Variants in SLIT2 observed in about 807,000 individuals in gnomAD.
SLIT2 encodes the protein slit guidance ligand 2.
SLIT2 carries 41 observed loss-of-function variants against 185.7 expected under a neutral mutation model. That is an observed-to-expected ratio of 0.22 (90% CI 0.17 to 0.29). The LOEUF (loss-of-function observed/expected upper bound fraction) is 0.29, where lower values mean the gene tolerates loss of function less well. SLIT2 is among the 10% of genes least tolerant of loss of function. The pLI is 1.00. For synonymous variants in SLIT2, 693 were observed against 680.2 expected, an observed-to-expected ratio of 1.02 and a Z score of -0.29; for missense variants, 1,571 against 1,909.0, an observed-to-expected ratio of 0.82 and a Z score of 3.30.
At chr4:20,411,495 A>C (rs1273886366) in intron 4 of SLIT2, among the ~76,000 whole-genome samples, 1 of 152,208 alleles carries the variant, frequency 6.6e-6, no homozygotes. Flanking sequence ...CTCTCATCCA[A>C]ACCTCTAAAC....
At chr4:20,269,007 T>A (rs1175138386) in intron 4 of SLIT2, 126 bp downstream of exon 4, 1 of 651,076 alleles carries the variant, frequency 1.5e-6, no homozygotes. Context: ...ATTAAAAGTT[T>A]GTGTTTTTTC....
At chr4:20,540,869 T>C (rs960313937) in intron 19 of SLIT2, among the ~76,000 whole-genome samples, 12 of 152,310 alleles carry the variant, frequency 7.9e-5, no homozygotes, top group African/African-American at 2.9e-4. Flanking sequence ...TATGCTGAAG[T>C]GGTGAGATGC....
chr4:20,507,516 T>A (rs1020204485), intron 9 of SLIT2, among the ~76,000 whole-genome samples: 2 of 151,878 alleles, frequency 1.3e-5, no homozygotes, highest in African/African-American at 4.8e-5. Context: ...TTGGAGAAAT[T>A]CATTTTGAAA....
chr4:20,348,285 C>T (rs1010548487), intron 4 of SLIT2, among the ~76,000 whole-genome samples: 3 of 152,142 alleles, frequency 2.0e-5, no homozygotes, highest in Admixed American at 6.5e-5. Flanking sequence ...GTTGCCCAGG[C>T]TGGAGTGCAG....
chr4:20,568,975 A>T lies in SLIT2; in HGVS notation c.3059A>T (p.Tyr1020Phe), dbSNP rs1725329935. ...ACATGTGTCGATGGCATTAATAACTACACATGCCTTTGCCCACCTGAGTAT... is the reference window on the plus strand; with the variant it reads ...ACATGTGTCGATGGCATTAATAACTTCACATGCCTTTGCCCACCTGAGTAT... ...NSTCVDGINN[Y>F]TCLCPPEYTG... is the part of the protein sequence containing the mutation. Residue 1020 changes from tyrosine to phenylalanine, a missense_variant, in exon 29 of 37, where the codon TAC becomes TTC. Tyr to Phe is a conservative substitution (Grantham distance 22, BLOSUM62 3). This residue lies in a region of SLIT2 where 1,202 missense variants were observed against 1,416.4 expected (regional missense o/e 0.85). Coordinates refer to ENST00000504154, the MANE Select transcript of SLIT2 (RefSeq NM_004787.4). 6.2e-7 allele frequency: 1 copy of T among 1,612,526 alleles called. No homozygotes were observed. The highest frequency in any genetic ancestry group is 1.7e-5 in the Admixed American group (1 of 59,950).
intron 12 of SLIT2, among the ~76,000 whole-genome samples, chr4:20,523,160 A>T (rs1194921040): frequency 6.6e-6 from 1 of 152,116 alleles, no homozygotes. Context: ...GGTGTGTTTA[A>T]GAAAGGCAAG....
intron 4 of SLIT2, among the ~76,000 whole-genome samples, chr4:20,276,232 C>T (rs1714156268): frequency 1.3e-5 from 2 of 151,930 alleles, no homozygotes; most frequent in African/African-American, 4.8e-5. Flanking sequence ...TTGTTTTGTT[C>T]TTTTTTCCAC....
intron 24 of SLIT2, among the ~76,000 whole-genome samples, chr4:20,550,485 A>C (rs1723642322): frequency 6.6e-6 from 1 of 151,810 alleles, no homozygotes; most frequent in African/African-American, 2.4e-5. Flanking sequence ...TGTTGTCAAA[A>C]ATTTCTCCCT....
chr4:20,462,413 T>C (rs1047976421), intron 4 of SLIT2, among the ~76,000 whole-genome samples: 1 of 152,216 alleles, frequency 6.6e-6, no homozygotes, highest in Non-Finnish European at 1.5e-5. Context: ...ATCCTGTGCA[T>C]TGTTAGCATG....
At chr4:20,585,863 A>G (rs955662969) in intron 29 of SLIT2, among the ~76,000 whole-genome samples, 2 of 152,188 alleles carry the variant, frequency 1.3e-5, no homozygotes, top group Admixed American at 1.3e-4. Flanking sequence ...CTCTGACTAC[A>G]CTTAAAATAA....
At chr4:20,492,005 CT>C in intron 9 of SLIT2, 106 bp downstream of exon 9, 1 of 1,055,460 alleles carries the variant, frequency 9.5e-7, no homozygotes, top group Non-Finnish European at 1.4e-6. Flanking sequence ...GATCAATTGG[CT>C]TAGACAAATG....
intron 3 of SLIT2, among the ~76,000 whole-genome samples, chr4:20,259,798 A>G (rs1360018265): frequency 4.6e-5 from 7 of 151,784 alleles, no homozygotes; most frequent in Non-Finnish European, 8.9e-5. Flanking sequence ...GTAATTCTGA[A>G]TGAAAACTAA....
intron 3 of SLIT2, among the ~76,000 whole-genome samples, chr4:20,259,346 A>G (rs1712195351): frequency 6.6e-6 from 1 of 151,782 alleles, no homozygotes; most frequent in Admixed American, 6.6e-5. Context: ...CATCAATATA[A>G]TTCAAATGTT....
At chr4:20,548,401 C>T in intron 22 of SLIT2, 87 bp from the exon 23 acceptor site, 2 of 712,450 alleles carry the variant, frequency 2.8e-6, no homozygotes, top group Non-Finnish European at 5.0e-6. Flanking sequence ...ACTGCTATGA[C>T]TATAAGAAGA....
chr4:20,534,222 A>G (rs759357537), intron 18 of SLIT2, among the ~76,000 whole-genome samples: 14 of 152,192 alleles, frequency 9.2e-5, no homozygotes, highest in Non-Finnish European at 1.8e-4. Context: ...CAGTAGAATA[A>G]TTCTAACAGC....
chr4:20,416,427 C>G (rs1272158111), intron 4 of SLIT2, among the ~76,000 whole-genome samples: 1 of 152,120 alleles, frequency 6.6e-6, no homozygotes, highest in African/African-American at 2.4e-5. Context: ...TAGTTACCTC[C>G]TTAAAGGTCC....
intron 4 of SLIT2, 102 bp downstream of exon 4, chr4:20,268,983 C>G: frequency 2.7e-6 from 2 of 744,264 alleles, no homozygotes; most frequent in Non-Finnish European, 4.9e-6. Context: ...ATCTGTTCAT[C>G]AATAGATTAA....
At chr4:20,274,775 A>AAAAT (rs1040372713) in intron 4 of SLIT2, among the ~76,000 whole-genome samples, 1 of 151,242 alleles carries the variant, frequency 6.6e-6, no homozygotes, top group African/African-American at 2.4e-5. Flanking sequence ...GTACTTATTT[A>AAAAT]AACGACTGCT....
At chr4:20,603,512 C>G (rs1450680314) in intron 33 of SLIT2, among the ~76,000 whole-genome samples, 22 of 152,058 alleles carry the variant, frequency 1.4e-4, no homozygotes, top group Admixed American at 1.4e-3. Flanking sequence ...TTCTTTTCAT[C>G]TAGAAAAACA....
Sources: allele counts gnomAD v4.1 joint callset (sites outside exome capture counted in the v4.1 genomes callset), GRCh38; gene constraint gnomAD v4.1.1; regional missense constraint gnomAD v4.1.1; transcripts MANE v1.5; gene names NCBI Gene and HGNC (gene_info 2026-07-23, HGNC 2026-07-21).